Variants in MINAR1 observed in about 807,000 individuals in gnomAD.
MINAR1 encodes the protein major intrinsically disordered Notch2-binding receptor 1.
A neutral mutation model predicts 65.1 loss-of-function variants in MINAR1; 40 were observed. That is an observed-to-expected ratio of 0.61 (90% CI 0.48 to 0.80). MINAR1 has a LOEUF of 0.80. Among genes scored for constraint, MINAR1 ranks in the 30% least tolerant of loss-of-function variants. The probability of loss-of-function intolerance (pLI) is 0.00; values close to 1 mark genes in which losing one functional copy is unlikely to be tolerated. For missense variants in MINAR1, 1,128 were observed against 1,148.0 expected (o/e 0.98, Z 0.25); for synonymous variants, 482 against 449.1 (o/e 1.07, Z -0.93).
At chr15:79,418,201 C>T in the MINAR1 span, 1 of 152,148 alleles carries the variant, frequency 6.6e-6, no homozygotes, top group African/African-American at 2.4e-5. Flanking sequence ...GCATTTAAGG[C>T]AGAAATGTGG....
chr15:79,467,303 CA>C (rs1157805874), intron 3 of MINAR1, among the ~76,000 whole-genome samples: 2 of 152,192 alleles, frequency 1.3e-5, no homozygotes, highest in African/African-American at 4.8e-5. Flanking sequence ...GTTTGCATTT[CA>C]AAGACTTAAA....
intron 1 of MINAR1, among the ~76,000 whole-genome samples, chr15:79,449,109 TAGTGG>T (rs1895108816): frequency 6.6e-6 from 1 of 152,196 alleles, no homozygotes; most frequent in African/African-American, 2.4e-5. Context: ...GACTATTACC[TAGTGG>T]AAATACCTAT....
chr15:79,419,639 ATATTT>A, the MINAR1 span: 1 of 152,224 alleles, frequency 6.6e-6, no homozygotes, highest in East Asian at 1.9e-4. Context: ...CAGAAGAAAG[ATATTT>A]TATAACTAAG....
rs1895946069 is a variant in MINAR1 at position 79,468,244 on chromosome 15, C to A, written c.2611C>A (p.Pro871Thr). 1.2e-6 allele frequency: 2 copies of A among 1,613,924 alleles called. No individual in the cohort carries two copies. The highest frequency in any genetic ancestry group is 1.1e-5 in the South Asian group (1 of 91,074). The change falls in exon 4 of 4, where the codon CCA (proline) becomes ACA (threonine). Residue 871 changes from proline to threonine, a missense_variant. By Grantham distance (38) the Pro-to-Thr change is conservative. Transcript: ENST00000305428. ...LEYWMEDIYT[P>T]GYDSLLKRKE... ...GTACTGGATGGAAGACATTTATACT[C>A]CAGGATACGATTCATTACTAAAACG... is the stretch of plus-strand genomic sequence containing the variant.
At chr15:79,447,012 G>A (rs7178309) in intron 1 of MINAR1, among the ~76,000 whole-genome samples, 81,031 of 151,922 alleles carry the variant, frequency 0.53, 22,518 homozygotes, top group Admixed American at 0.63. Flanking sequence ...TCAGCCTCCC[G>A]AGTAGCTGGG....
At position 79,468,662 on chromosome 15, in the gene MINAR1, G is replaced by A. The variant is rs553065395; in HGVS notation, c.*278G>A. 408 of 403,162 alleles carry A rather than the reference G, an allele frequency of 1.0e-3. 1 individual carries two copies. The highest frequency in any genetic ancestry group is 1.7e-3 in the Non-Finnish European group (382 of 224,926). 25.0% of individuals were successfully genotyped at this position (403,162 alleles called of 1,614,324 possible). A position where few individuals can be genotyped will look rare whatever the true frequency, so the allele number is the denominator to read the frequency against. On this transcript the variant is annotated 3_prime_UTR_variant, in exon 4 of 4. Coordinates refer to ENST00000305428, the MANE Select transcript of MINAR1 (RefSeq NM_015206.3). ...CATGGACTATCAATAAATACAAATT[G>A]AATATTCCAAGCCAAAAAAGGAAGA...
rs565117909 is a variant in MINAR1 at position 79,436,029 on chromosome 15, G to A, written c.-51+3489G>A. On this transcript the variant is annotated intron_variant, in intron 1 of 3. Coordinates refer to ENST00000305428, the MANE Select transcript of MINAR1 (RefSeq NM_015206.3). ...TAAGAGTCAGCAGGTGCCTCACCAT[G>A]TTCTCCCTTTTCCTCTGTTTCAGTG... Among the ~76,000 whole-genome samples the A allele has an allele frequency of 3.3e-5, 5 of 152,296 alleles. No individual in the cohort carries two copies. The East Asian group carries it at 7.7e-4, about 23-fold the overall frequency.
chr15:79,417,968 G>A, the MINAR1 span: 4 of 152,248 alleles, frequency 2.6e-5, no homozygotes, highest in Non-Finnish European at 5.9e-5. Flanking sequence ...ACGATTTTAC[G>A]AAGCGAAGAT....
rs1441802545 is a variant in MINAR1 at position 79,456,407 on chromosome 15, T to C, written c.260T>C (p.Ile87Thr). Residue 87 changes from isoleucine (I) to threonine (T), a missense_variant, in exon 2 of 4, where the codon ATT (isoleucine) becomes ACT (threonine). Transcript: ENST00000305428. Reference sequence around the variant, plus strand: ...AAGAAAATCATGGTGGCAGCAGATATTGTGACGATATTCAACCTGATCCAA... The same window carrying C: ...AAGAAAATCATGGTGGCAGCAGATACTGTGACGATATTCAACCTGATCCAA... ...QSKKIMVAAD[I>T]VTIFNLIQMN... 3 of 1,614,036 alleles carry C rather than the reference T, an allele frequency of 1.9e-6. No homozygotes were observed. The highest frequency in any genetic ancestry group is 2.7e-5 in the African/African-American group (2 of 74,900).
intron 1 of MINAR1, among the ~76,000 whole-genome samples, chr15:79,452,752 T>A (rs1595943150): frequency 8.1e-6 from 1 of 123,442 alleles, no homozygotes; most frequent in African/African-American, 2.7e-5. Flanking sequence ...GGGGGGGGTG[T>A]GTGGGTGAGT....
In MINAR1 at chr15:79,458,244, A is replaced by T. The variant is rs1895512627; in HGVS notation, c.2097A>T (p.Leu699Phe). ...SNSESLRVKA[L>F]KKSLFTRPSS... ...GTGAAAGCCTGCGGGTCAAGGCCTT[A>T]AAAAAAAGCCTCTTCACCAGGCCAT... Residue 699 changes from leucine to phenylalanine, a missense_variant, in exon 2 of 4, where the codon TTA becomes TTT. Leu to Phe is a conservative substitution (Grantham distance 22). Transcript: ENST00000305428. The T allele has an allele frequency of 6.2e-7, 1 of 1,613,450 alleles. No homozygotes were observed. Among genetic ancestry groups the T allele is most frequent in the Non-Finnish European group, 8.5e-7 (1 of 1,179,696 alleles).
At chr15:79,448,876 ATC>A (rs1243705171) in intron 1 of MINAR1, among the ~76,000 whole-genome samples, 2 of 152,152 alleles carry the variant, frequency 1.3e-5, no homozygotes, top group African/African-American at 4.8e-5. Context: ...TCCCTAAATC[ATC>A]TCTCTCTCTT....
At chr15:79,460,564 A>T (rs1895608471) in intron 2 of MINAR1, among the ~76,000 whole-genome samples, 1 of 149,970 alleles carries the variant, frequency 6.7e-6, no homozygotes, top group Non-Finnish European at 1.5e-5. Context: ...TTACACCTCT[A>T]CGTTGAGTCA....
chr15:79,415,638 G>A, the MINAR1 span: 2 of 152,162 alleles, frequency 1.3e-5, no homozygotes, highest in Non-Finnish European at 2.9e-5. Context: ...CTACTTGATT[G>A]GATTGTGAAC....
rs189279629 is a variant in MINAR1 at position 79,446,515 on chromosome 15, G to A, written c.-50-9583G>A. On this transcript the variant is annotated intron_variant, in intron 1 of 3. Transcript: ENST00000305428. ...ATATTATTTTTTTCAGTATTTTAAT[G>A]ATTTTATTTCTATTTTTTAGTCTAT... Among the ~76,000 whole-genome samples, 13 of 151,862 alleles carry A rather than the reference G, an allele frequency of 8.6e-5. No individual in the cohort carries two copies. The East Asian group carries it at 2.3e-3, about 27-fold the overall frequency.
chr15:79,429,893 G>T (rs1027006938), upstream of MINAR1, among the ~76,000 whole-genome samples: 1 of 152,208 alleles, frequency 6.6e-6, no homozygotes, highest in Non-Finnish European at 1.5e-5. Flanking sequence ...TCCCAGAGAG[G>T]GGGGCATAGG....
At chr15:79,440,465 C>T (rs1410895522) in intron 1 of MINAR1, among the ~76,000 whole-genome samples, 1 of 152,184 alleles carries the variant, frequency 6.6e-6, no homozygotes, top group Non-Finnish European at 1.5e-5. Context: ...AGGATGAGGA[C>T]CAGTGGGTGC....
upstream of MINAR1, among the ~76,000 whole-genome samples, chr15:79,429,302 A>C (rs1455230903): frequency 1.3e-5 from 2 of 152,198 alleles, no homozygotes; most frequent in African/African-American, 4.8e-5. Context: ...TCAAATATTA[A>C]ATTTAAGTAG....
At chr15:79,434,373 C>A (rs1286484878) in intron 1 of MINAR1, among the ~76,000 whole-genome samples, 1 of 152,334 alleles carries the variant, frequency 6.6e-6, no homozygotes, top group East Asian at 1.9e-4. Flanking sequence ...GATACTCTGT[C>A]TGAAACAGTC....
Sources: allele counts gnomAD v4.1 joint callset (sites outside exome capture counted in the v4.1 genomes callset), GRCh38; gene constraint gnomAD v4.1.1; transcripts MANE v1.5; gene names NCBI Gene and HGNC (gene_info 2026-07-23, HGNC 2026-07-21).